PHYHIPL: variants seen among roughly 807,000 people sequenced by gnomAD.
PHYHIPL encodes phytanoyl-CoA hydroxylase-interacting protein-like.
In PHYHIPL, 9 loss-of-function variants were observed where a neutral mutation model predicts 33.4. That is an observed-to-expected ratio of 0.27 (90% CI 0.16 to 0.47). The LOEUF is 0.47. PHYHIPL is among the 20% of genes least tolerant of loss of function. PHYHIPL has a pLI of 0.99. For synonymous variants in PHYHIPL, 153 were observed against 154.1 expected, an observed-to-expected ratio of 0.99 and a Z score of 0.05; for missense variants, 365 against 460.7, an observed-to-expected ratio of 0.79 and a Z score of 1.90.
rs58992023 is a variant in PHYHIPL, at chr10:59,211,664, TAAAAAA to T, written c.107-22619_107-22614del. 5.4e-4 allele frequency among the ~76,000 whole-genome samples: 40 copies of T among 74,098 alleles called. 1 individual carries two copies. In the East Asian group the frequency reaches 0.022, roughly 41 times the overall value. The allele number at this position is 74,098 out of a possible 152,430, so 48.6% of individuals were successfully genotyped here. A position where few individuals can be genotyped will look rare whatever the true frequency, so the allele number is the denominator to read the frequency against. On this transcript the variant is annotated intron_variant, in intron 1 of 4. Coordinates refer to ENST00000373880, the MANE Select transcript of PHYHIPL (RefSeq NM_032439.4). ...GTCCTGGGATTATAGGCGGACTCTCTAAAAAAAAAAAAAAAAAAAAAAAAAAGGTAT... is the reference window on the plus strand; with the variant it reads ...GTCCTGGGATTATAGGCGGACTCTCTAAAAAAAAAAAAAAAAAAAAGGTAT...
At chr10:59,203,863 A>G (rs953822249) in intron 1 of PHYHIPL, among the ~76,000 whole-genome samples, 33 of 152,156 alleles carry the variant, frequency 2.2e-4, no homozygotes, top group Non-Finnish European at 4.1e-4. Flanking sequence ...ACATGCATAC[A>G]TATGTAGGAA....
chr10:59,194,497 G>A (rs540827338), intron 1 of PHYHIPL, among the ~76,000 whole-genome samples: 50 of 152,212 alleles, frequency 3.3e-4, no homozygotes, highest in African/African-American at 1.2e-3. Flanking sequence ...ATTTAGTGCA[G>A]ATAATGTGTG....
rs1840673214 is a variant in PHYHIPL, at chr10:59,246,065, T to A, written c.*474T>A. 1 of 153,700 alleles carries A rather than the reference T, an allele frequency of 6.5e-6. No individual in the cohort carries two copies. Among genetic ancestry groups the A allele is most frequent in the South Asian group, 2.1e-4 (1 of 4,854 alleles). 9.5% of individuals were successfully genotyped at this position (153,700 alleles called of 1,614,324 possible). A position where few individuals can be genotyped will look rare whatever the true frequency, so the allele number is the denominator to read the frequency against. ...ATTGTCAGCACTTCCAACTTCTTGT[T>A]TGACAGTGTTATTTATGTTATTTAT... is the stretch of plus-strand genomic sequence containing the variant. On this transcript the variant is annotated 3_prime_UTR_variant, in exon 5 of 5. Coordinates refer to ENST00000373880, the MANE Select transcript of PHYHIPL (RefSeq NM_032439.4).
intron 1 of PHYHIPL, among the ~76,000 whole-genome samples, chr10:59,227,594 GTAATCCC>G (rs879810342): frequency 2.6e-5 from 4 of 152,206 alleles, no homozygotes; most frequent in Non-Finnish European, 5.9e-5. Context: ...TTAAAAAGCT[GTAATCCC>G]TAATGAAGAC....
At chr10:59,203,426 C>A (rs1263000592) in intron 1 of PHYHIPL, among the ~76,000 whole-genome samples, 3 of 152,060 alleles carry the variant, frequency 2.0e-5, no homozygotes, top group Non-Finnish European at 4.4e-5. Context: ...GGTATATACC[C>A]AAAGGATTAT....
rs1840164528 is a variant in PHYHIPL, at chr10:59,234,369, A to G, written c.172A>G (p.Ile58Val). Residue 58 changes from isoleucine to valine, a missense_variant, in exon 2 of 5, where the codon ATA becomes GTA. Coordinates refer to ENST00000373880, the MANE Select transcript of PHYHIPL (RefSeq NM_032439.4). ...ACTTCCTGTACCACATAACATCAAAATAAGCAATATAACGTGTGACTCATT... is the reference window on the plus strand; with the variant it reads ...ACTTCCTGTACCACATAACATCAAAGTAAGCAATATAACGTGTGACTCATT... ...EELPVPHNIK[I>V]SNITCDSFKI... The G allele has an allele frequency of 1.2e-6, 2 of 1,601,836 alleles. No homozygotes were observed. Among genetic ancestry groups the G allele is most frequent in the Non-Finnish European group, 8.5e-7 (1 of 1,175,890 alleles).
At chr10:59,188,082 T>G (rs1838667113) in intron 1 of PHYHIPL, among the ~76,000 whole-genome samples, 1 of 152,234 alleles carries the variant, frequency 6.6e-6, no homozygotes, top group Non-Finnish European at 1.5e-5. Flanking sequence ...AGATCTTTCC[T>G]GCTTTCTCTT....
chr10:59,239,140 G>A lies in PHYHIPL; in HGVS notation c.596+435G>A, dbSNP rs189306439. Among the ~76,000 whole-genome samples, 21 of 152,062 alleles carry A rather than the reference G, an allele frequency of 1.4e-4. No homozygotes were observed. The East Asian group carries it at 4.1e-3, about 29-fold the overall frequency. Reference sequence around the variant, plus strand: ...GTGGGATTTGCAGACTTCTACCTAAGTAGAAGTCTTTTAGCTGTTGTATTA... The same window carrying A: ...GTGGGATTTGCAGACTTCTACCTAAATAGAAGTCTTTTAGCTGTTGTATTA... On this transcript the variant is annotated intron_variant, in intron 4 of 4. Transcript: ENST00000373880.
Position 59,176,741 on chromosome 10 carries a change from G to C in PHYHIPL, c.-113G>C, listed in dbSNP as rs1031446499. 3 of 970,698 alleles carry C rather than the reference G, an allele frequency of 3.1e-6. No individual in the cohort carries two copies. The highest frequency in any genetic ancestry group is 1.6e-5 in the African/African-American group (1 of 60,722). The allele number at this position is 970,698 out of a possible 1,614,324, so 60.1% of individuals were successfully genotyped here. A position where few individuals can be genotyped will look rare whatever the true frequency, so the allele number is the denominator to read the frequency against. ...CTCGGCGCCGCATCACCGCGTCCCA[G>C]GCCTCCTTCCCTCCCTCTGCCACTC... On this transcript the variant is annotated 5_prime_UTR_variant, in exon 1 of 5. Coordinates refer to ENST00000373880, the MANE Select transcript of PHYHIPL (RefSeq NM_032439.4).
chr10:59,238,482 G>C (rs1174654966), intron 3 of PHYHIPL, 106 bp from the exon 4 acceptor site: 1 of 543,960 alleles, frequency 1.8e-6, no homozygotes, highest in Non-Finnish European at 3.3e-6. Context: ...TATTTATTAA[G>C]TTGAATTCCC....
chr10:59,185,817 T>G (rs900042042), intron 1 of PHYHIPL, among the ~76,000 whole-genome samples: 107 of 152,280 alleles, frequency 7.0e-4, no homozygotes, highest in African/African-American at 2.4e-3. Flanking sequence ...GGGTTGTTTG[T>G]TTTTTTCTTG....
At chr10:59,235,184 G>T (rs1840187729) in intron 2 of PHYHIPL, among the ~76,000 whole-genome samples, 1 of 151,038 alleles carries the variant, frequency 6.6e-6, no homozygotes, top group Non-Finnish European at 1.5e-5. Context: ...TTTGCCTTTT[G>T]TTTTTTGTTT....
chr10:59,234,461 C>T lies in PHYHIPL; in HGVS notation c.264C>T (p.Asn88=). ...TTACACACTATTTTATTGACCTCAA[C>T]AAGAAAGAGAACAAGAACTCCAATA... ...DRITHYFIDL[N]KKENKNSNKF... The change falls in exon 2 of 5, where the codon AAC becomes AAT. Residue 88 remains asparagine (N), a synonymous_variant. Coordinates refer to ENST00000373880, the MANE Select transcript of PHYHIPL (RefSeq NM_032439.4). 1 of 1,570,260 alleles carries T rather than the reference C, an allele frequency of 6.4e-7. No individual in the cohort carries two copies. The highest frequency in any genetic ancestry group is 8.6e-7 in the Non-Finnish European group (1 of 1,166,102).
chr10:59,204,336 G>T (rs529679026), intron 1 of PHYHIPL, among the ~76,000 whole-genome samples: 1 of 151,078 alleles, frequency 6.6e-6, no homozygotes, highest in East Asian at 1.9e-4. Flanking sequence ...GTATTGAGGT[G>T]ACAGTTCATA....
chr10:59,174,860 T>C (rs1370538120), upstream of PHYHIPL, among the ~76,000 whole-genome samples: 1 of 152,238 alleles, frequency 6.6e-6, no homozygotes, highest in African/African-American at 2.4e-5. Context: ...TCAATATATA[T>C]CTTTCTTGAT....
intron 1 of PHYHIPL, among the ~76,000 whole-genome samples, chr10:59,194,816 C>T (rs1420985096): frequency 6.6e-6 from 1 of 152,096 alleles, no homozygotes; most frequent in Non-Finnish European, 1.5e-5. Flanking sequence ...TTTAACTTCA[C>T]CTATTTATAG....
At chr10:59,220,357 G>A (rs997126182) in intron 1 of PHYHIPL, among the ~76,000 whole-genome samples, 2 of 151,914 alleles carry the variant, frequency 1.3e-5, no homozygotes, top group African/African-American at 2.4e-5. Flanking sequence ...GTTACATGTC[G>A]GTGAGACATA....
At chr10:59,227,078 TTAAAA>T (rs1259020551) in intron 1 of PHYHIPL, among the ~76,000 whole-genome samples, 6 of 152,100 alleles carry the variant, frequency 3.9e-5, no homozygotes, top group African/African-American at 1.4e-4. Context: ...TGCATACAAA[TTAAAA>T]TAAAGCAGGA....
chr10:59,176,686 C>G lies in PHYHIPL; in HGVS notation c.-168C>G, dbSNP rs1304841598. On this transcript the variant is annotated 5_prime_UTR_variant, in exon 1 of 5. Transcript: ENST00000373880. ...GAGCTCCTGCCACAGCCGTCGCCTT[C>G]GCGGCGGCTCTCCAGCCCCGCGCCT... The G allele has an allele frequency of 1.7e-6, 1 of 598,712 alleles. No individual in the cohort carries two copies. Among genetic ancestry groups the G allele is most frequent in the Non-Finnish European group, 2.9e-6 (1 of 347,288 alleles). 37.1% of individuals were successfully genotyped at this position (598,712 alleles called of 1,614,324 possible). A position where few individuals can be genotyped will look rare whatever the true frequency, so the allele number is the denominator to read the frequency against.
Sources: gnomAD v4.1 joint callset for allele counts (sites outside exome capture counted in the v4.1 genomes callset) on GRCh38, gnomAD v4.1.1 for gene constraint, MANE v1.5 for transcripts, NCBI Gene and HGNC (gene_info 2026-07-23, HGNC 2026-07-21) for gene names.